The following COL18A1 variants were observed in gnomAD, a reference collection of about 807,000 sequenced individuals.
COL18A1 encodes collagen alpha-1(XVIII) chain.
A neutral mutation model predicts 168.0 loss-of-function variants in COL18A1; 133 were observed. The observed-to-expected ratio is 0.79, with a 90% confidence interval of 0.69 to 0.91. The LOEUF is 0.91. COL18A1 is among the 40% of genes least tolerant of loss of function. COL18A1 has a pLI of 0.00. For missense variants in COL18A1, 2,126 were observed against 1,925.4 expected, an observed-to-expected ratio of 1.10 and a Z score of -1.95; for synonymous variants, 949 against 809.0, an observed-to-expected ratio of 1.17 and a Z score of -2.94.
At chr21:45,474,225 CAG>C (rs1196415557) in intron 4 of COL18A1, among the ~76,000 whole-genome samples, 2 of 151,718 alleles carry the variant, frequency 1.3e-5, no homozygotes, top group African/African-American at 4.9e-5. Flanking sequence ...GCTGGTGAGA[CAG>C]AGGATGTGAG....
intron 15 of COL18A1, among the ~76,000 whole-genome samples, chr21:45,484,721 C>T (rs969960659): frequency 4.6e-5 from 7 of 152,180 alleles, no homozygotes; most frequent in Non-Finnish European, 1.0e-4. Flanking sequence ...GCACACACAT[C>T]TCTCTAGCAT....
intron 15 of COL18A1, among the ~76,000 whole-genome samples, chr21:45,486,243 C>G (rs1320537544): frequency 6.6e-6 from 1 of 151,532 alleles, no homozygotes; most frequent in African/African-American, 2.4e-5. Flanking sequence ...TCTCCTCTCT[C>G]CTCTCTTCTC....
At chr21:45,462,508 T>C (rs760268588) in intron 2 of COL18A1, among the ~76,000 whole-genome samples, 22 of 152,224 alleles carry the variant, frequency 1.4e-4, no homozygotes, top group Non-Finnish European at 1.8e-4. Flanking sequence ...ATTAATTTAT[T>C]CTTTTGTCTG....
intron 2 of COL18A1, chr21:45,456,363 C>T (rs2034814531): frequency 1.3e-6 from 2 of 1,550,274 alleles, no homozygotes; most frequent in Non-Finnish European, 1.7e-6. Flanking sequence ...CACGCGGCCC[C>T]CTCCGCCTTC....
intron 9 of COL18A1, among the ~76,000 whole-genome samples, chr21:45,479,622 T>C (rs1168980715): frequency 6.6e-6 from 1 of 152,070 alleles, no homozygotes; most frequent in African/African-American, 2.4e-5. Context: ...CACACATGTA[T>C]GTAACACCCA....
rs373324736 is a variant in COL18A1, at chr21:45,479,992, C to T, written c.1311+28C>T. On this transcript the variant is annotated intron_variant, in intron 10 of 41. Transcript: ENST00000651438. ...GAGTCTCCGTGGCTGGGTGGGGCCC[C>T]TTCCTGTGTTGGCCCTTGGCTCAAG... The T allele has an allele frequency of 4.5e-4, 722 of 1,613,854 alleles. 3 individuals carry two copies. Among genetic ancestry groups the T allele is most frequent in the Middle Eastern group, 2.5e-3 (15 of 6,062 alleles).
chr21:45,466,727 G>A (rs1003359535), intron 2 of COL18A1, among the ~76,000 whole-genome samples: 1 of 152,200 alleles, frequency 6.6e-6, no homozygotes, highest in Non-Finnish European at 1.5e-5. Flanking sequence ...CCCTGGGGCC[G>A]CCGGTGTAGC....
chr21:45,510,108 G>T lies in COL18A1; in HGVS notation c.3540G>T (p.Arg1180=). Reference sequence around the variant, plus strand: ...ACAGCCCCCTGTCAGGCGGCATGCGGGGCATCCGCGGGGCCGACTTCCAGT... The same window carrying T: ...ACAGCCCCCTGTCAGGCGGCATGCGTGGCATCCGCGGGGCCGACTTCCAGT... ...ALNSPLSGGM[R]GIRGADFQCF... is the part of the protein sequence containing the mutation. The change falls in exon 40 of 42, where the codon CGG becomes CGT. Residue 1180 remains arginine (R), a synonymous_variant. Coordinates refer to ENST00000651438, the MANE Select transcript of COL18A1 (RefSeq NM_001379500.1). The T allele has an allele frequency of 6.3e-7, 1 of 1,594,302 alleles. No homozygotes were observed. The highest frequency in any genetic ancestry group is 2.3e-5 in the East Asian group (1 of 43,732).
At chr21:45,466,728 C>G (rs1278122568) in intron 2 of COL18A1, among the ~76,000 whole-genome samples, 1 of 152,234 alleles carries the variant, frequency 6.6e-6, no homozygotes, top group African/African-American at 2.4e-5. Context: ...CCTGGGGCCG[C>G]CGGTGTAGCG....
chr21:45,446,082 T>C (rs2034499448), intron 2 of COL18A1, among the ~76,000 whole-genome samples: 1 of 152,250 alleles, frequency 6.6e-6, no homozygotes, highest in African/African-American at 2.4e-5. Context: ...ATTTAAGAGC[T>C]AAAATAAAAA....
intron 27 of COL18A1, 109 bp from the exon 28 acceptor site, chr21:45,494,753 G>C: frequency 7.8e-7 from 1 of 1,279,338 alleles, no homozygotes; most frequent in Non-Finnish European, 1.1e-6. Flanking sequence ...GCTGATGGGT[G>C]GCCCAGGGTG....
rs1282250522 is a variant in COL18A1 at position 45,491,476 on chromosome 21, C to CGGTCAGAGACGCCCTT, written c.2157+175_2157+176insCTTGGTCAGAGACGCC. Reference sequence around the variant, plus strand: ...CCTCGGTGGGGGCTGCAGACGCCCTCGGTCAGAGACGCCTGGGGAGCCCAG... The same window carrying CGGTCAGAGACGCCCTT: ...CCTCGGTGGGGGCTGCAGACGCCCTCGGTCAGAGACGCCCTTGGTCAGAGACGCCTGGGGAGCCCAG... On this transcript the variant is annotated intron_variant, in intron 22 of 41. Coordinates refer to ENST00000651438, the MANE Select transcript of COL18A1 (RefSeq NM_001379500.1). Among the ~76,000 whole-genome samples the CGGTCAGAGACGCCCTT allele has an allele frequency of 1.1e-3, 168 of 151,626 alleles. 1 individual carries two copies. Among genetic ancestry groups the CGGTCAGAGACGCCCTT allele is most frequent in the Middle Eastern group, 6.8e-3 (2 of 294 alleles).
intron 18 of COL18A1, among the ~76,000 whole-genome samples, chr21:45,488,998 A>AC (rs1244885951): frequency 6.6e-6 from 1 of 151,102 alleles, no homozygotes; most frequent in East Asian, 2.0e-4. Flanking sequence ...GCCGCCTTTC[A>AC]CCCCGCTGCG....
chr21:45,484,366 ATACACG>A (rs1282605892), intron 15 of COL18A1, among the ~76,000 whole-genome samples: 6 of 133,938 alleles, frequency 4.5e-5, no homozygotes, highest in African/African-American at 8.5e-5. Context: ...GCGCACACAC[ATACACG>A]CACACACACA....
intron 15 of COL18A1, among the ~76,000 whole-genome samples, chr21:45,484,325 A>G (rs1225132168): frequency 1.3e-5 from 2 of 148,566 alleles, no homozygotes; most frequent in African/African-American, 5.0e-5. Flanking sequence ...ATACATGCAC[A>G]CACATGCACA....
intron 34 of COL18A1, among the ~76,000 whole-genome samples, chr21:45,504,927 G>A (rs1763512311): frequency 6.7e-6 from 1 of 150,024 alleles, no homozygotes; most frequent in Non-Finnish European, 1.5e-5. Flanking sequence ...TCAGGTCTCT[G>A]CTGGTCTCTC....
chr21:45,414,136 C>G lies in COL18A1; in HGVS notation c.106+8663C>G, dbSNP rs116612149. 6.1e-3 allele frequency among the ~76,000 whole-genome samples: 928 copies of G among 152,242 alleles called. 6 individuals carry two copies. Among genetic ancestry groups the G allele is most frequent in the African/African-American group, 0.011 (472 of 41,532 alleles). On this transcript the variant is annotated intron_variant, in intron 2 of 41. Transcript: ENST00000651438. Reference sequence around the variant, plus strand: ...CCTGGCCCCAGGCCCTCCTGCCCAGCCTTGTGGCTCTGGCCGTCAATCAGC... The same window carrying G: ...CCTGGCCCCAGGCCCTCCTGCCCAGGCTTGTGGCTCTGGCCGTCAATCAGC...
At chr21:45,437,138 C>CGTGCA (rs2034133171) in intron 2 of COL18A1, among the ~76,000 whole-genome samples, 1 of 109,908 alleles carries the variant, frequency 9.1e-6, no homozygotes. Context: ...CAGGCACTCT[C>CGTGCA]CACACACACT....
chr21:45,479,292 CAT>C (rs67843080), intron 9 of COL18A1, among the ~76,000 whole-genome samples: 29,357 of 151,480 alleles, frequency 0.19, 2,898 homozygotes, highest in Middle Eastern at 0.26. Flanking sequence ...ACATTACACA[CAT>C]GTGTGCACAC....
Sources: allele counts gnomAD v4.1 joint callset (sites outside exome capture counted in the v4.1 genomes callset), GRCh38; gene constraint gnomAD v4.1.1; transcripts MANE v1.5; gene names NCBI Gene and HGNC (gene_info 2026-07-23, HGNC 2026-07-21).